The following ZNF536 variants were observed in gnomAD, a reference collection of about 807,000 sequenced individuals.
ZNF536 encodes zinc finger protein 536.
In ZNF536, 13 loss-of-function variants were observed where a neutral mutation model predicts 84.5. The ratio of observed to expected loss-of-function variants is 0.15; its 90% CI spans 0.10 to 0.24. ZNF536 has a LOEUF of 0.24. Ranked by LOEUF, ZNF536 falls within the 10% of genes least tolerant of loss-of-function variation. The pLI, the probability that ZNF536 is intolerant of heterozygous loss-of-function variation, is 1.00. For missense variants in ZNF536, 1,536 were observed against 1,747.5 expected, an observed-to-expected ratio of 0.88 and a Z score of 2.16; for synonymous variants, 811 against 742.5, an observed-to-expected ratio of 1.09 and a Z score of -1.50.
At position 30,264,930 on chromosome 19, in the gene ZNF536, CGTGTGTGT is replaced by C. The variant is rs71333450; in HGVS notation, c.-189-19112_-189-19105del. Reference sequence around the variant, plus strand: ...CAAAAAGTTCTGCTCTGTCAATAGTCGTGTGTGTGTGTGTGTGTGTGTGTGTGTGTGTG... The same window carrying C: ...CAAAAAGTTCTGCTCTGTCAATAGTCGTGTGTGTGTGTGTGTGTGTGTGTG... On this transcript the variant is annotated intron_variant, in intron 1 of 5. Coordinates refer to the ZNF536 transcript ENST00000585628. Among the ~76,000 whole-genome samples, 3 of 135,606 alleles carry C rather than the reference CGTGTGTGT, an allele frequency of 2.2e-5. No homozygotes were observed. In the Admixed American group the frequency reaches 2.2e-4, roughly 10 times the overall value. 89.0% of individuals were successfully genotyped at this position (135,606 alleles called of 152,430 possible). A position where few individuals can be genotyped will look rare whatever the true frequency, so the allele number is the denominator to read the frequency against.
intron 1 of ZNF536, among the ~76,000 whole-genome samples, chr19:30,579,455 A>T (rs1461171124): frequency 1.3e-5 from 2 of 152,106 alleles, no homozygotes; most frequent in Non-Finnish European, 2.9e-5. Flanking sequence ...GGGGTTCCTT[A>T]GTTCTGTTCT....
At chr19:30,417,997 G>A (rs1014296045) in intron 1 of ZNF536, among the ~76,000 whole-genome samples, 2 of 151,970 alleles carry the variant, frequency 1.3e-5, no homozygotes, top group East Asian at 1.9e-4. Flanking sequence ...AATCCTCCCC[G>A]CTTGGCCTTC....
At chr19:30,520,351 G>T (rs1322846932) in intron 2 of ZNF536, among the ~76,000 whole-genome samples, 2 of 152,148 alleles carry the variant, frequency 1.3e-5, no homozygotes, top group Non-Finnish European at 2.9e-5. Context: ...AGGGCCCTGG[G>T]ACCTGTGTAG....
chr19:30,349,285 A>C (rs572122210), intron 2 of ZNF536, among the ~76,000 whole-genome samples: 1 of 152,318 alleles, frequency 6.6e-6, no homozygotes, highest in Non-Finnish European at 1.5e-5. Context: ...AATGGCTTTC[A>C]CACATGCAGG....
In ZNF536 at chr19:30,652,522, C is replaced by T. The variant is rs114589562; in HGVS notation, c.170-58235C>T. Reference sequence around the variant, plus strand: ...AGGCCTGGGGATCTGGGGAGAGTCACGCAAGTAAAGCTGAGATGGCAGCAG... The same window carrying T: ...AGGCCTGGGGATCTGGGGAGAGTCATGCAAGTAAAGCTGAGATGGCAGCAG... On this transcript the variant is annotated intron_variant, in intron 1 of 1. Transcript: ENST00000592773. Among the ~76,000 whole-genome samples, 355 of 152,186 alleles carry T rather than the reference C, an allele frequency of 2.3e-3. 2 individuals are homozygous for T. The highest frequency in any genetic ancestry group is 8.2e-3 in the African/African-American group (341 of 41,522).
chr19:30,542,915 G>C (rs936436815), intron 3 of ZNF536, among the ~76,000 whole-genome samples: 3 of 152,114 alleles, frequency 2.0e-5, no homozygotes, highest in Admixed American at 1.3e-4. Context: ...GGACTCAAGC[G>C]ATCCTCCTGC....
At chr19:30,248,109 A>C (rs1028034457) in intron 1 of ZNF536, among the ~76,000 whole-genome samples, 3 of 152,220 alleles carry the variant, frequency 2.0e-5, no homozygotes, top group African/African-American at 7.2e-5. Flanking sequence ...AACCAATAGA[A>C]AATAGCAGAA....
chr19:30,535,086 G>A lies in ZNF536; in HGVS notation c.2323+87G>A, dbSNP rs999374650. 1.5e-5 allele frequency: 22 copies of A among 1,449,132 alleles called. No individual in the cohort carries two copies. In the African/African-American group the frequency reaches 3.0e-4, roughly 20 times the overall value. 89.8% of individuals were successfully genotyped at this position (1,449,132 alleles called of 1,614,324 possible). ...TGCTTTCTGGCCCAGGTCCACAGCT[G>A]TGTGGGTCACTAACTCTGGAAGGTT... On this transcript the variant is annotated intron_variant, in intron 3 of 4. Coordinates refer to ENST00000355537, the MANE Select transcript of ZNF536 (RefSeq NM_014717.3).
chr19:30,237,290 C>T (rs2023601663), intron 1 of ZNF536, among the ~76,000 whole-genome samples: 1 of 152,084 alleles, frequency 6.6e-6, no homozygotes, highest in Non-Finnish European at 1.5e-5. Flanking sequence ...TGCTTCCTTC[C>T]CCGGGACAGA....
chr19:30,374,917 G>C (rs1209883911), intron 1 of ZNF536, among the ~76,000 whole-genome samples: 2 of 151,820 alleles, frequency 1.3e-5, no homozygotes, highest in South Asian at 2.1e-4. Flanking sequence ...CCCCATTCAC[G>C]AGCAGGCAGC....
At chr19:30,546,017 G>C (rs1200937395) in intron 3 of ZNF536, among the ~76,000 whole-genome samples, 1 of 152,198 alleles carries the variant, frequency 6.6e-6, no homozygotes, top group East Asian at 1.9e-4. Context: ...GCAGGATCTT[G>C]AGTTTCTAGG....
rs779887993 is a variant in ZNF536 at position 30,549,283 on chromosome 19, G to A, written c.3664G>A (p.Val1222Ile). The A allele has an allele frequency of 1.9e-6, 3 of 1,613,764 alleles. No homozygotes were observed. Among genetic ancestry groups the A allele is most frequent in the Non-Finnish European group, 2.5e-6 (3 of 1,180,022 alleles). Residue 1222 changes from valine to isoleucine, a missense_variant, in exon 4 of 5, where the codon GTC (valine) becomes ATC (isoleucine). Around this residue, in one of 8 missense-constraint regions of ZNF536, gnomAD observed 624 missense variants for 603.1 expected, o/e 1.03. Transcript: ENST00000355537. ...TGTSQPVQGL[V>I]SPLSQAPEKQ... ...CACCTCCCAGCCCGTCCAGGGACTG[G>A]TCTCACCTTTATCCCAAGCACCGGA...
At chr19:30,605,822 C>G (rs1159241798) in intron 1 of ZNF536, among the ~76,000 whole-genome samples, 1 of 152,278 alleles carries the variant, frequency 6.6e-6, no homozygotes, top group East Asian at 1.9e-4. Flanking sequence ...AGCTCACAGT[C>G]CATGTACTTC....
chr19:30,575,334 T>A (rs1599857733), intron 1 of ZNF536, among the ~76,000 whole-genome samples: 1 of 152,262 alleles, frequency 6.6e-6, no homozygotes, highest in South Asian at 2.1e-4. Context: ...TTTGTTGGCA[T>A]GGTATGGTCC....
upstream of ZNF536, among the ~76,000 whole-genome samples, chr19:30,371,801 AATAT>A (rs111342822): frequency 6.8e-6 from 1 of 147,990 alleles, no homozygotes; most frequent in African/African-American, 2.5e-5. Context: ...ATATATAGAG[AATAT>A]ATATATATAT....
At chr19:30,417,804 G>A (rs996076958) in intron 1 of ZNF536, among the ~76,000 whole-genome samples, 2 of 152,156 alleles carry the variant, frequency 1.3e-5, no homozygotes, top group Admixed American at 1.3e-4. Flanking sequence ...CTATTGCCCA[G>A]GTTGGATTGT....
intron 1 of ZNF536, among the ~76,000 whole-genome samples, chr19:30,418,777 T>C (rs1199237354): frequency 6.6e-6 from 1 of 152,224 alleles, no homozygotes. Flanking sequence ...TTCCAAATTA[T>C]GCAATTAAGA....
At chr19:30,419,394 T>C (rs1600657092) in intron 1 of ZNF536, among the ~76,000 whole-genome samples, 2 of 152,346 alleles carry the variant, frequency 1.3e-5, no homozygotes, top group South Asian at 4.1e-4. Context: ...AGTTTATAAA[T>C]GTTTTTGAGC....
Position 30,375,690 on chromosome 19 carries a change from T to C in ZNF536, c.-3+3134T>C, listed in dbSNP as rs2048790160. The stretch of plus-strand genomic sequence containing the variant: ...TGCCTGGAGATGGGCGAGTGCAGGC[T>C]GGAATGTGCCGGCGTGGCACGTGTG... On this transcript the variant is annotated intron_variant, in intron 1 of 4. Coordinates refer to ENST00000355537, the MANE Select transcript of ZNF536 (RefSeq NM_014717.3). Among the ~76,000 whole-genome samples the C allele has an allele frequency of 1.3e-5, 2 of 152,212 alleles. 1 individual carries two copies. The highest frequency in any genetic ancestry group is 1.3e-4 in the Admixed American group (2 of 15,286).
Sources: gnomAD v4.1 joint callset for allele counts (sites outside exome capture counted in the v4.1 genomes callset) on GRCh38, gnomAD v4.1.1 for gene constraint, gnomAD v4.1.1 regional missense constraint, MANE v1.5 for transcripts, NCBI Gene and HGNC (gene_info 2026-07-23, HGNC 2026-07-21) for gene names.